The following PPP2R2B variants were observed in gnomAD, a reference collection of about 807,000 sequenced individuals.
The protein encoded by PPP2R2B is protein phosphatase 2 regulatory subunit Bbeta, also known as serine/threonine-protein phosphatase 2A 55 kDa regulatory subunit B beta isoform.
In PPP2R2B, 5 loss-of-function variants were observed where a neutral mutation model predicts 46.0. That is an observed-to-expected ratio of 0.11 (90% CI 0.06 to 0.23). The LOEUF is 0.23. Ranked by LOEUF, PPP2R2B falls within the 10% of genes least tolerant of loss-of-function variation. The probability of loss-of-function intolerance (pLI) is 1.00; values close to 1 mark genes in which losing one functional copy is unlikely to be tolerated. For missense variants in PPP2R2B, 367 were observed against 575.0 expected (o/e 0.64, Z 3.70); for synonymous variants, 215 against 206.7 (o/e 1.04, Z -0.34).
At chr5:146,741,326 T>A (rs1752864357) in intron 2 of PPP2R2B, among the ~76,000 whole-genome samples, 1 of 152,146 alleles carries the variant, frequency 6.6e-6, no homozygotes, top group South Asian at 2.1e-4. Context: ...TGAAACTGAT[T>A]TTTTTCACCT....
At chr5:146,603,997 T>G (rs1772029899) in intron 7 of PPP2R2B, among the ~76,000 whole-genome samples, 1 of 152,292 alleles carries the variant, frequency 6.6e-6, no homozygotes, top group Non-Finnish European at 1.5e-5. Flanking sequence ...ATGCACAATA[T>G]AGTATATTAG....
chr5:146,780,300 A>T (rs550086056), intron 2 of PPP2R2B, among the ~76,000 whole-genome samples: 1 of 152,312 alleles, frequency 6.6e-6, no homozygotes, highest in South Asian at 2.1e-4. Flanking sequence ...ACATTAAATT[A>T]TTTTTTAAAA....
intron 1 of PPP2R2B, among the ~76,000 whole-genome samples, chr5:146,971,638 A>G (rs2151848674): frequency 6.6e-6 from 1 of 152,320 alleles, no homozygotes; most frequent in South Asian, 2.1e-4. Flanking sequence ...GTGATAATTC[A>G]GTTGTTATTT....
chr5:146,809,274 C>G (rs1582155257), intron 2 of PPP2R2B, among the ~76,000 whole-genome samples: 1 of 152,140 alleles, frequency 6.6e-6, no homozygotes, highest in African/African-American at 2.4e-5. Flanking sequence ...CAAGCAGACA[C>G]TTCACAACTG....
chr5:146,861,856 GT>G (rs71581881), intron 2 of PPP2R2B, among the ~76,000 whole-genome samples: 1,380 of 36,656 alleles, frequency 0.038, 5 homozygotes, highest in South Asian at 0.044. Context: ...ATACAGCATT[GT>G]TTTTTTTTTT....
chr5:146,626,667 G>T (rs1581745523), intron 7 of PPP2R2B, among the ~76,000 whole-genome samples: 1 of 152,244 alleles, frequency 6.6e-6, no homozygotes, highest in Non-Finnish European at 1.5e-5. Context: ...CGACAGGTAA[G>T]TTGGCCTAAA....
At chr5:146,814,411 A>G (rs145955979) in intron 2 of PPP2R2B, among the ~76,000 whole-genome samples, 99 of 152,290 alleles carry the variant, frequency 6.5e-4, no homozygotes, top group African/African-American at 2.3e-3. Flanking sequence ...CACACCAGGA[A>G]TGTCAGGAGA....
intron 1 of PPP2R2B, among the ~76,000 whole-genome samples, chr5:147,009,894 C>T (rs939431161): frequency 1.4e-5 from 2 of 146,822 alleles, no homozygotes; most frequent in African/African-American, 5.2e-5. Flanking sequence ...CACACACACA[C>T]ACACATATAT....
chr5:146,818,574 T>A (rs1416118066), intron 2 of PPP2R2B, among the ~76,000 whole-genome samples: 1 of 152,174 alleles, frequency 6.6e-6, no homozygotes, highest in Non-Finnish European at 1.5e-5. Context: ...ACTCACATAT[T>A]TTGAGCACCT....
chr5:146,856,701 G>C (rs948707916), intron 2 of PPP2R2B: 11 of 715,702 alleles, frequency 1.5e-5, no homozygotes, highest in Admixed American at 2.2e-5. Flanking sequence ...CTTTGGGAGA[G>C]TTTGCTCCAG....
chr5:146,593,324 G>C (rs189529065), intron 8 of PPP2R2B, among the ~76,000 whole-genome samples: 1 of 152,316 alleles, frequency 6.6e-6, no homozygotes, highest in East Asian at 1.9e-4. Flanking sequence ...ATAAGTGGTA[G>C]ATTCTCATTT....
intron 1 of PPP2R2B, among the ~76,000 whole-genome samples, chr5:146,963,578 G>A (rs942798696): frequency 6.6e-6 from 1 of 152,146 alleles, no homozygotes; most frequent in Non-Finnish European, 1.5e-5. Context: ...TTTTCCCCAA[G>A]GGGTTTATCA....
In PPP2R2B at chr5:146,589,583, C is replaced by CTCTT. The variant is rs562812866; in HGVS notation, c.*360_*363dup. 3.5e-5 allele frequency: 6 copies of CTCTT among 173,468 alleles called. No homozygotes were observed. The highest frequency in any genetic ancestry group is 6.1e-5 in the Non-Finnish European group (5 of 82,070). The allele number at this position is 173,468 out of a possible 1,614,324, so 10.7% of individuals were successfully genotyped here. On this transcript the variant is annotated 3_prime_UTR_variant, in exon 10 of 10. Transcript: ENST00000394411. ...AATTGCTTAATTAAAAAAAACTTATCTCTTTTCTCCTTAAATACTACAGAC... is the reference window on the plus strand; with the variant it reads ...AATTGCTTAATTAAAAAAAACTTATCTCTTTCTTTTCTCCTTAAATACTACAGAC...
Position 147,005,227 on chromosome 5 carries a change from C to T in PPP2R2B, c.79+50438G>A, listed in dbSNP as rs1208446810. Among the ~76,000 whole-genome samples the T allele has an allele frequency of 2.0e-5, 3 of 152,254 alleles. No homozygotes were observed. The East Asian group carries it at 5.8e-4, about 29-fold the overall frequency. On this transcript the variant is annotated intron_variant, in intron 1 of 8. Transcript: ENST00000336640. ...TAGAAGTCCCCTTGGCTAATCCTGA[C>T]CTTAACCTATATACCGGTGGAAGTT... is the stretch of plus-strand genomic sequence containing the variant.
intron 2 of PPP2R2B, among the ~76,000 whole-genome samples, chr5:146,734,713 A>G (rs1752436227): frequency 6.6e-6 from 1 of 152,160 alleles, no homozygotes; most frequent in Non-Finnish European, 1.5e-5. Context: ...CTGCTGTCAA[A>G]TTGGATAAAA....
chr5:146,900,824 GTTA>G (rs1304303099), intron 1 of PPP2R2B, among the ~76,000 whole-genome samples: 1 of 150,894 alleles, frequency 6.6e-6, no homozygotes, highest in East Asian at 2.0e-4. Context: ...CCCCCAGTGT[GTTA>G]TTGTTCCCCT....
chr5:146,732,728 C>G (rs760454632), intron 2 of PPP2R2B, among the ~76,000 whole-genome samples: 1 of 152,196 alleles, frequency 6.6e-6, no homozygotes, highest in Non-Finnish European at 1.5e-5. Context: ...AGGAATACTA[C>G]TAAGTAACAA....
At chr5:146,953,275 A>G (rs1412934956) in intron 1 of PPP2R2B, among the ~76,000 whole-genome samples, 1 of 152,186 alleles carries the variant, frequency 6.6e-6, no homozygotes, top group South Asian at 2.1e-4. Context: ...ATACATACAC[A>G]TATACTTACA....
chr5:146,844,549 G>A (rs1406841502), intron 2 of PPP2R2B, among the ~76,000 whole-genome samples: 1 of 152,078 alleles, frequency 6.6e-6, no homozygotes, highest in East Asian at 1.9e-4. Flanking sequence ...CATTTATCTG[G>A]AAAATCAGAA....
Sources: allele counts gnomAD v4.1 joint callset (sites outside exome capture counted in the v4.1 genomes callset), GRCh38; gene constraint gnomAD v4.1.1; transcripts MANE v1.5; gene names NCBI Gene and HGNC (gene_info 2026-07-23, HGNC 2026-07-21).